The following KLRG1 variants were observed in gnomAD, a reference collection of about 807,000 sequenced individuals.
KLRG1 encodes killer cell lectin like receptor G1.
A neutral mutation model predicts 21.8 loss-of-function variants in KLRG1; 16 were observed. The observed-to-expected ratio is 0.73, with a 90% confidence interval of 0.50 to 1.11. The LOEUF is 1.11. KLRG1 is among the 50% of genes most tolerant of loss of function. The pLI is 0.00. For synonymous variants in KLRG1, 69 were observed against 75.9 expected (o/e 0.91, Z 0.47); for missense variants, 173 against 218.3 (o/e 0.79, Z 1.31).
At chr12:9,152,215 C>G in the KLRG1 span, 6 of 1,577,202 alleles carry the variant, frequency 3.8e-6, no homozygotes, top group South Asian at 5.5e-5. Context: ...TTAAAATACA[C>G]CTACCATTTT....
chr12:8,999,249 T>A (rs1947235392), intron 3 of KLRG1, among the ~76,000 whole-genome samples: 1 of 152,218 alleles, frequency 6.6e-6, no homozygotes, highest in Non-Finnish European at 1.5e-5. Context: ...GCTCAGTTCA[T>A]CCTGGATGTT....
the KLRG1 span, chr12:9,158,541 G>T: frequency 6.2e-7 from 1 of 1,614,134 alleles, no homozygotes; most frequent in African/African-American, 1.3e-5. Flanking sequence ...GTAGGATCGA[G>T]CCTGGGCGAA....
At chr12:8,988,629 A>G (rs1266939386), upstream of KLRG1, among the ~76,000 whole-genome samples, 1 of 151,960 alleles carries the variant, frequency 6.6e-6, no homozygotes, top group Admixed American at 6.6e-5. Context: ...CAGGCTAGAT[A>G]GAGTACAATG....
At chr12:9,146,648 G>T in the KLRG1 span, among the ~76,000 whole-genome samples, 1 of 152,082 alleles carries the variant, frequency 6.6e-6, no homozygotes, top group African/African-American at 2.4e-5. Flanking sequence ...TTGTATAGGA[G>T]AAGGTTCCTA....
the KLRG1 span, chr12:9,079,609 A>G: frequency 2.5e-6 from 4 of 1,594,566 alleles, no homozygotes; most frequent in South Asian, 4.5e-5. Flanking sequence ...AATAACATTC[A>G]AGTTTTCCCT....
downstream of KLRG1, among the ~76,000 whole-genome samples, chr12:9,013,411 T>G (rs1422638284): frequency 6.6e-6 from 1 of 152,128 alleles, no homozygotes; most frequent in Non-Finnish European, 1.5e-5. Flanking sequence ...AATGCAGAGA[T>G]ATGACCATTC....
At chr12:9,150,798 C>T in the KLRG1 span, 5 of 1,122,666 alleles carry the variant, frequency 4.5e-6, no homozygotes, top group African/African-American at 1.5e-5. Flanking sequence ...CCTTCTTTCT[C>T]CCATGAGCAA....
the KLRG1 span, chr12:9,164,003 G>C: frequency 1.5e-6 from 2 of 1,329,004 alleles, no homozygotes; most frequent in Non-Finnish European, 2.0e-6. Context: ...ATAGTGGATA[G>C]AAATAGGAAA....
At chr12:9,042,649 T>C in the KLRG1 span, among the ~76,000 whole-genome samples, 1 of 152,166 alleles carries the variant, frequency 6.6e-6, no homozygotes, top group Non-Finnish European at 1.5e-5. Flanking sequence ...TTTACTGGAA[T>C]GGTTATAGAT....
intron 1 of KLRG1, among the ~76,000 whole-genome samples, chr12:8,972,390 C>G (rs534748675): frequency 1.2e-3 from 178 of 152,302 alleles, no homozygotes; most frequent in Non-Finnish European, 1.9e-3. Flanking sequence ...ATCTCCTAAC[C>G]TCGTGATCCG....
At chr12:9,075,214 A>G in the KLRG1 span, among the ~76,000 whole-genome samples, 2 of 152,246 alleles carry the variant, frequency 1.3e-5, no homozygotes, top group Admixed American at 6.5e-5. Flanking sequence ...TGAAAAAAAA[A>G]ATACAGTAAT....
chr12:9,031,238 A>G, the KLRG1 span, among the ~76,000 whole-genome samples: 1 of 152,204 alleles, frequency 6.6e-6, no homozygotes, highest in Non-Finnish European at 1.5e-5. Context: ...AGCTTTGAAA[A>G]CAACAGTTCA....
chr12:9,203,801 C>T, the KLRG1 span: 181 of 1,613,966 alleles, frequency 1.1e-4, no homozygotes, highest in Non-Finnish European at 1.3e-4. Flanking sequence ...AGTCCTTCTC[C>T]GCCACCAGGT....
the KLRG1 span, among the ~76,000 whole-genome samples, chr12:9,089,722 CAG>C: frequency 6.6e-6 from 1 of 152,030 alleles, no homozygotes; most frequent in Admixed American, 6.6e-5. Context: ...GCCTGGATGA[CAG>C]AGCAAGACTC....
At chr12:9,146,316 T>TA in the KLRG1 span, among the ~76,000 whole-genome samples, 1 of 151,918 alleles carries the variant, frequency 6.6e-6, no homozygotes, top group African/African-American at 2.4e-5. Context: ...ATTGAACTCT[T>TA]ATAGTGAATT....
At chr12:9,104,207 T>C in the KLRG1 span, 1 of 1,597,226 alleles carries the variant, frequency 6.3e-7, no homozygotes, top group Non-Finnish European at 8.5e-7. Flanking sequence ...CAAGGCTACT[T>C]CATGTCATTG....
At chr12:9,109,564 G>A in the KLRG1 span, among the ~76,000 whole-genome samples, 2 of 152,176 alleles carry the variant, frequency 1.3e-5, no homozygotes, top group African/African-American at 4.8e-5. Flanking sequence ...CTCAAATGAA[G>A]ATTTCAGTTG....
the KLRG1 span, among the ~76,000 whole-genome samples, chr12:9,176,340 A>G: frequency 3.3e-5 from 5 of 152,286 alleles, no homozygotes; most frequent in Admixed American, 3.3e-4. Flanking sequence ...AGAATAACTA[A>G]TGGATGCTGG....
At chr12:9,161,160 T>C in the KLRG1 span, 1 of 1,432,478 alleles carries the variant, frequency 7.0e-7, no homozygotes, top group Non-Finnish European at 9.6e-7. Flanking sequence ...CATCTATGAT[T>C]ACAATATAAT....
Sources: allele counts gnomAD v4.1 joint callset (sites outside exome capture counted in the v4.1 genomes callset), GRCh38; gene constraint gnomAD v4.1.1; transcripts MANE v1.5; gene names NCBI Gene and HGNC (gene_info 2026-07-23, HGNC 2026-07-21).